The following PHF14 variants were observed in gnomAD, a reference collection of about 807,000 sequenced individuals.
PHF14 encodes the protein PHD finger protein 14.
PHF14 carries 55 observed loss-of-function variants against 117.9 expected under a neutral mutation model. The ratio of observed to expected loss-of-function variants is 0.47; its 90% CI spans 0.38 to 0.58. The LOEUF (loss-of-function observed/expected upper bound fraction) is 0.58. Among genes scored for constraint, PHF14 ranks in the 20% least tolerant of loss-of-function variants. PHF14 has a pLI of 0.00. For missense variants in PHF14, 978 were observed against 1,122.2 expected (o/e 0.87, Z 1.84); for synonymous variants, 409 against 368.6 (o/e 1.11, Z -1.26).
At chr7:11,167,278 G>T (rs1301529464) in intron 17 of PHF14, among the ~76,000 whole-genome samples, 1 of 152,118 alleles carries the variant, frequency 6.6e-6, no homozygotes, top group African/African-American at 2.4e-5. Context: ...AAATTAAAGG[G>T]TATGAGCTTG....
chr7:11,169,567 A>G lies in PHF14; in HGVS notation c.*77A>G, dbSNP rs770435660. ...AAAATTTCTAATTGTAAAATGTTAA[A>G]TTGTAAAATCTAATTTGCAAAATGT... On this transcript the variant is annotated 3_prime_UTR_variant, in exon 18 of 18. Transcript: ENST00000634607. 7.3e-4 allele frequency: 443 copies of G among 607,634 alleles called. No homozygotes were observed. Among genetic ancestry groups the G allele is most frequent in the Non-Finnish European group, 1.0e-3 (365 of 364,626 alleles). The allele number at this position is 607,634 out of a possible 1,614,324, so 37.6% of individuals were successfully genotyped here.
chr7:11,088,920 A>G (rs993199528), intron 16 of PHF14, among the ~76,000 whole-genome samples: 7 of 152,192 alleles, frequency 4.6e-5, no homozygotes, highest in African/African-American at 1.2e-4. Flanking sequence ...ATTGTTACAT[A>G]TAAGTGGCTA....
At chr7:11,012,266 C>A (rs549309018) in intron 4 of PHF14, among the ~76,000 whole-genome samples, 6 of 152,160 alleles carry the variant, frequency 3.9e-5, no homozygotes, top group Admixed American at 3.3e-4. Context: ...TTAGGCAGAT[C>A]TGGAAGCCTA....
At chr7:11,153,448 A>G (rs1788756592) in intron 17 of PHF14, among the ~76,000 whole-genome samples, 2 of 152,076 alleles carry the variant, frequency 1.3e-5, no homozygotes, top group Admixed American at 1.3e-4. Flanking sequence ...TGTACATGGT[A>G]TGTTTGAGGT....
intron 13 of PHF14, among the ~76,000 whole-genome samples, chr7:11,043,267 A>G (rs1784556150): frequency 6.6e-6 from 1 of 151,406 alleles, no homozygotes; most frequent in African/African-American, 2.4e-5. Context: ...ATCTAGAAAC[A>G]TTTGATAAAC....
intron 16 of PHF14, among the ~76,000 whole-genome samples, chr7:11,071,931 A>G (rs1452960892): frequency 3.3e-5 from 5 of 152,228 alleles, no homozygotes. Flanking sequence ...ATTTATATTA[A>G]GAGCCTAGAT....
At chr7:11,010,264 A>C (rs1323602825) in intron 4 of PHF14, among the ~76,000 whole-genome samples, 1 of 152,158 alleles carries the variant, frequency 6.6e-6, no homozygotes, top group African/African-American at 2.4e-5. Flanking sequence ...ATTGGAAATA[A>C]AACTGACCCC....
rs182974023 is a variant in PHF14 at position 10,991,585 on chromosome 7, C to T, written c.1045+738C>T. ...TCAGCCTCCCAAAGTGCTGGGATTA[C>T]AGGCGTAAGCCACCGCACCTGGTCC... On this transcript the variant is annotated intron_variant, in intron 4 of 17. Coordinates refer to ENST00000634607, the MANE Select transcript of PHF14 (RefSeq NM_001007157.2). Among the ~76,000 whole-genome samples the T allele has an allele frequency of 6.0e-3, 906 of 152,134 alleles. 2 individuals carry two copies. The highest frequency in any genetic ancestry group is 0.01 in the Middle Eastern group (3 of 294).
intron 17 of PHF14, among the ~76,000 whole-genome samples, chr7:11,124,436 T>G (rs1285396276): frequency 6.6e-6 from 1 of 152,108 alleles, no homozygotes; most frequent in Non-Finnish European, 1.5e-5. Context: ...AATGACTAGA[T>G]CAAACAATAT....
intron 4 of PHF14, among the ~76,000 whole-genome samples, chr7:10,999,471 A>G (rs1782780793): frequency 6.6e-6 from 1 of 152,220 alleles, no homozygotes; most frequent in Non-Finnish European, 1.5e-5. Flanking sequence ...CACAAGCTTG[A>G]GTCCACTGGG....
chr7:11,014,646 C>T (rs115220364), intron 5 of PHF14, among the ~76,000 whole-genome samples: 88 of 152,244 alleles, frequency 5.8e-4, no homozygotes, highest in African/African-American at 1.9e-3. Flanking sequence ...AAAGCCCCTC[C>T]GTTCTACGAG....
intron 16 of PHF14, chr7:11,103,893 T>C (rs1364150216): frequency 1.0e-6 from 1 of 981,376 alleles, no homozygotes; most frequent in Non-Finnish European, 1.2e-6. Flanking sequence ...AAAATATTCA[T>C]AATCTTTAGC....
chr7:11,148,604 T>C (rs1174117007), intron 17 of PHF14, among the ~76,000 whole-genome samples: 3 of 152,196 alleles, frequency 2.0e-5, no homozygotes, highest in Non-Finnish European at 4.4e-5. Flanking sequence ...GTTAACAGTT[T>C]GTTGCCTGTC....
chr7:11,064,575 T>C (rs1405977170), intron 16 of PHF14, among the ~76,000 whole-genome samples: 1 of 152,054 alleles, frequency 6.6e-6, no homozygotes, highest in Non-Finnish European at 1.5e-5. Context: ...GAATCTGCTC[T>C]TCAGCAGTTT....
At chr7:11,080,259 A>G (rs565595116) in intron 16 of PHF14, among the ~76,000 whole-genome samples, 1 of 152,122 alleles carries the variant, frequency 6.6e-6, no homozygotes, top group Non-Finnish European at 1.5e-5. Flanking sequence ...GTTATTTAAA[A>G]AACAATAAAA....
At chr7:11,164,289 T>G (rs1442333307) in intron 17 of PHF14, among the ~76,000 whole-genome samples, 1 of 152,206 alleles carries the variant, frequency 6.6e-6, no homozygotes, top group Non-Finnish European at 1.5e-5. Flanking sequence ...TTTGTTCATA[T>G]GGCCAAATTA....
chr7:11,045,843 A>G (rs941334055), intron 13 of PHF14, among the ~76,000 whole-genome samples: 2 of 152,258 alleles, frequency 1.3e-5, no homozygotes, highest in Admixed American at 1.3e-4. Context: ...TTGAGAAGAC[A>G]GCAGATGGTT....
At chr7:11,012,500 G>A (rs2128315899) in intron 4 of PHF14, among the ~76,000 whole-genome samples, 1 of 152,332 alleles carries the variant, frequency 6.6e-6, no homozygotes, top group South Asian at 2.1e-4. Context: ...CACCTGACCA[G>A]TTCAAACCTG....
Position 11,006,990 on chromosome 7 carries a change from TGTG to T in PHF14, c.1046-6753_1046-6751del, listed in dbSNP as rs1449604861. The T allele has an allele frequency of 8.9e-5, 33 of 372,566 alleles. No homozygotes were observed. In the East Asian group the frequency reaches 1.9e-3, roughly 22 times the overall value. The allele number at this position is 372,566 out of a possible 1,614,324, so 23.1% of individuals were successfully genotyped here. A position where few individuals can be genotyped will look rare whatever the true frequency, so the allele number is the denominator to read the frequency against. On this transcript the variant is annotated intron_variant, in intron 4 of 17. Coordinates refer to ENST00000634607, the MANE Select transcript of PHF14 (RefSeq NM_001007157.2). ...AGGAGTTTGATACCAGCCTGGTTAATGTGGTGAAACTCCCTTCTCTACTAAAAA... is the reference window on the plus strand; with the variant it reads ...AGGAGTTTGATACCAGCCTGGTTAATGTGAAACTCCCTTCTCTACTAAAAA...
Sources: gnomAD v4.1 joint callset for allele counts (sites outside exome capture counted in the v4.1 genomes callset) on GRCh38, gnomAD v4.1.1 for gene constraint, MANE v1.5 for transcripts, NCBI Gene and HGNC (gene_info 2026-07-23, HGNC 2026-07-21) for gene names.